Variants in NPAS3 observed in about 807,000 individuals in gnomAD.
The protein encoded by NPAS3 is neuronal PAS domain-containing protein 3.
NPAS3 carries 14 observed loss-of-function variants against 73.1 expected under a neutral mutation model. The ratio of observed to expected loss-of-function variants is 0.19; its 90% confidence interval spans 0.13 to 0.30. The LOEUF is 0.30. Ranked by LOEUF, NPAS3 falls within the 10% of genes least tolerant of loss-of-function variation. NPAS3 has a pLI of 1.00. For missense variants in NPAS3, 1,096 were observed against 1,250.0 expected, an observed-to-expected ratio of 0.88 and a Z score of 1.86; for synonymous variants, 620 against 541.5, an observed-to-expected ratio of 1.14 and a Z score of -2.01.
At chr14:33,621,822 AG>A (rs2058083774) in intron 5 of NPAS3, among the ~76,000 whole-genome samples, 1 of 152,216 alleles carries the variant, frequency 6.6e-6, no homozygotes, top group Non-Finnish European at 1.5e-5. Flanking sequence ...CTCTCTTTGA[AG>A]CAGTCAAGTT....
At chr14:33,225,873 A>G (rs933323753) in intron 3 of NPAS3, among the ~76,000 whole-genome samples, 4 of 152,186 alleles carry the variant, frequency 2.6e-5, no homozygotes, top group African/African-American at 9.7e-5. Flanking sequence ...TTTGAGTTGT[A>G]AAAGGTCGAT....
intron 4 of NPAS3, among the ~76,000 whole-genome samples, chr14:33,429,420 C>T (rs1373142359): frequency 1.3e-5 from 2 of 151,996 alleles, no homozygotes; most frequent in Admixed American, 1.3e-4. Context: ...AGACCAAGCC[C>T]AACGACCTAG....
chr14:32,967,734 T>G (rs566155581), intron 1 of NPAS3, among the ~76,000 whole-genome samples: 20 of 149,054 alleles, frequency 1.3e-4, no homozygotes, highest in African/African-American at 3.7e-4. Context: ...TATACACTGT[T>G]GGTGGGAACA....
At chr14:33,571,027 A>G (rs1207450182) in intron 5 of NPAS3, among the ~76,000 whole-genome samples, 1 of 152,238 alleles carries the variant, frequency 6.6e-6, no homozygotes, top group Non-Finnish European at 1.5e-5. Context: ...TCTAAAAAGC[A>G]AATGTTTCCT....
At chr14:33,359,768 G>A (rs2045506712) in intron 3 of NPAS3, among the ~76,000 whole-genome samples, 1 of 152,104 alleles carries the variant, frequency 6.6e-6, no homozygotes, top group African/African-American at 2.4e-5. Flanking sequence ...CCCAAATTTG[G>A]TATGTTCTCT....
chr14:33,311,009 G>A (rs1420551968), intron 3 of NPAS3, among the ~76,000 whole-genome samples: 1 of 152,126 alleles, frequency 6.6e-6, no homozygotes, highest in Non-Finnish European at 1.5e-5. Context: ...TTAGGTTTGT[G>A]CCACGTGGTG....
At chr14:33,599,272 A>G (rs1382881339) in intron 5 of NPAS3, among the ~76,000 whole-genome samples, 2 of 152,206 alleles carry the variant, frequency 1.3e-5, no homozygotes, top group Non-Finnish European at 2.9e-5. Flanking sequence ...TTAATTTATA[A>G]TCAGACAAGA....
At chr14:33,676,338 G>C in exon 6 of NPAS3, 1 of 1,602,450 alleles carries the variant, frequency 6.2e-7, no homozygotes, top group Non-Finnish European at 8.5e-7. Context: ...GCTGAGGACG[G>C]AGCCAGCTCA....
Position 33,425,857 on chromosome 14 carries a change from G to A in NPAS3, c.468+58589G>A, listed in dbSNP as rs547809615. On this transcript the variant is annotated intron_variant, in intron 4 of 11. Coordinates refer to ENST00000356141, the Ensembl canonical transcript of NPAS3. ...TGAACCTGCAGCATCAGCACCTCAC[G>A]GGAACTTGTTAGAAATGCAGATTCC... Among the ~76,000 whole-genome samples the A allele has an allele frequency of 3.6e-4, 55 of 152,126 alleles. 2 individuals are homozygous for A. The South Asian group carries it at 8.9e-3, about 25-fold the overall frequency.
intron 6 of NPAS3, among the ~76,000 whole-genome samples, chr14:33,732,976 AT>A (rs2061435855): frequency 6.6e-6 from 1 of 152,082 alleles, no homozygotes; most frequent in Non-Finnish European, 1.5e-5. Context: ...ATTTCTCACA[AT>A]GCCTGCATTA....
intron 4 of NPAS3, among the ~76,000 whole-genome samples, chr14:33,459,096 A>G (rs2050144483): frequency 1.3e-5 from 2 of 152,190 alleles, no homozygotes; most frequent in African/African-American, 2.4e-5. Context: ...TGACGTTGCC[A>G]TGGCATTTGT....
At chr14:33,662,349 A>G (rs149673423) in intron 5 of NPAS3, among the ~76,000 whole-genome samples, 1 of 152,360 alleles carries the variant, frequency 6.6e-6, no homozygotes, top group Non-Finnish European at 1.5e-5. Context: ...TGGTAGCACC[A>G]CTGTTGCTGG....
intron 4 of NPAS3, among the ~76,000 whole-genome samples, chr14:33,416,046 G>T (rs2048131215): frequency 6.6e-6 from 1 of 151,954 alleles, no homozygotes; most frequent in Non-Finnish European, 1.5e-5. Context: ...CTGCTACATG[G>T]GAGTACCTCT....
At chr14:33,051,203 A>G (rs1000738483) in intron 1 of NPAS3, among the ~76,000 whole-genome samples, 2 of 148,172 alleles carry the variant, frequency 1.3e-5, no homozygotes, top group Non-Finnish European at 3.0e-5. Context: ...GAACCCAGGA[A>G]GCGGAGCTTG....
chr14:32,947,084 T>C (rs1391748998), intron 1 of NPAS3, among the ~76,000 whole-genome samples: 1 of 152,196 alleles, frequency 6.6e-6, no homozygotes, highest in African/African-American at 2.4e-5. Context: ...ATTTCAATAA[T>C]ATTTCATTAT....
chr14:33,178,070 A>ATT (rs780708461), intron 2 of NPAS3, among the ~76,000 whole-genome samples: 2,924 of 123,648 alleles, frequency 0.024, 199 homozygotes, highest in African/African-American at 0.064. Context: ...ATTGAAGTGA[A>ATT]TTTTTTTTGT....
intron 5 of NPAS3, among the ~76,000 whole-genome samples, chr14:33,647,717 G>A (rs2058873987): frequency 6.6e-6 from 1 of 152,062 alleles, no homozygotes; most frequent in Admixed American, 6.6e-5. Context: ...GCATTCAGGG[G>A]TGACTCAGTC....
chr14:33,141,155 A>T lies in NPAS3; in HGVS notation c.141-74027A>T, dbSNP rs527816519. On this transcript the variant is annotated intron_variant, in intron 2 of 11. Transcript: ENST00000356141. The stretch of plus-strand genomic sequence containing the variant: ...CTTAGTATTTTGTCAAGAATTTGAC[A>T]TGCCAATGAATTGCGAGAGCAATGT... 3.3e-5 allele frequency among the ~76,000 whole-genome samples: 5 copies of T among 152,360 alleles called. No individual in the cohort carries two copies. The South Asian group carries it at 1.0e-3, about 32-fold the overall frequency.
At chr14:33,682,266 AG>A (rs1374379686) in intron 6 of NPAS3, among the ~76,000 whole-genome samples, 1 of 152,196 alleles carries the variant, frequency 6.6e-6, no homozygotes, top group Non-Finnish European at 1.5e-5. Flanking sequence ...GATCGGGACA[AG>A]TTCACGAGTC....
Sources: allele counts gnomAD v4.1 joint callset (sites outside exome capture counted in the v4.1 genomes callset), GRCh38; gene constraint gnomAD v4.1.1; transcripts MANE v1.5; gene names NCBI Gene and HGNC (gene_info 2026-07-23, HGNC 2026-07-21).